Variants in OSBPL1A observed in about 807,000 individuals in gnomAD.
OSBPL1A encodes oxysterol binding protein like 1A.
Under a neutral mutation model 137.1 loss-of-function variants are expected in OSBPL1A, and 80 were observed. That is an observed-to-expected ratio of 0.58 (90% confidence interval 0.49 to 0.70). The LOEUF is 0.70. Among genes scored for constraint, OSBPL1A ranks in the 30% least tolerant of loss-of-function variants. The probability of loss-of-function intolerance (pLI) is 0.00; values close to 1 mark genes in which losing one functional copy is unlikely to be tolerated. For synonymous variants in OSBPL1A, 365 were observed against 389.7 expected, an observed-to-expected ratio of 0.94 and a Z score of 0.75; for missense variants, 970 against 1,129.4, an observed-to-expected ratio of 0.86 and a Z score of 2.02.
rs769960159 is a variant in OSBPL1A at position 24,319,285 on chromosome 18, T to TTC, written c.626-478_626-477dup. Among the ~76,000 whole-genome samples, 178 of 152,052 alleles carry TTC rather than the reference T, an allele frequency of 1.2e-3. 1 individual carries two copies. Among genetic ancestry groups the TTC allele is most frequent in the Non-Finnish European group, 1.8e-3 (121 of 67,936 alleles). Reference sequence around the variant, plus strand: ...TCCAACCTCTGCTTCCAGCATTCTGTTCTCTCTCTCTCTATAGCCCTCCCT... The same window carrying TTC: ...TCCAACCTCTGCTTCCAGCATTCTGTTCTCTCTCTCTCTCTATAGCCCTCCCT... On this transcript the variant is annotated intron_variant, in intron 7 of 27. Transcript: ENST00000319481.
At chr18:24,239,430 A>T in intron 15 of OSBPL1A, 48 bp from the exon 16 acceptor site, 1 of 1,523,056 alleles carries the variant, frequency 6.6e-7, no homozygotes, top group South Asian at 1.1e-5. Flanking sequence ...GACAGGAGAC[A>T]CAGACGTACT....
intron 14 of OSBPL1A, among the ~76,000 whole-genome samples, chr18:24,302,237 A>AG (rs113407374): frequency 0.32 from 20,908 of 66,234 alleles, 1,561 homozygotes; most frequent in African/African-American, 0.45. Context: ...CCATCTCAAG[A>AG]AAAAAAAAAA....
At chr18:24,295,696 T>C (rs941009359) in intron 14 of OSBPL1A, among the ~76,000 whole-genome samples, 1 of 152,216 alleles carries the variant, frequency 6.6e-6, no homozygotes, top group Non-Finnish European at 1.5e-5. Context: ...ATAAACTGAA[T>C]AGGCTGTCCT....
intron 19 of OSBPL1A, 152 bp from the exon 20 acceptor site, chr18:24,179,987 A>G (rs2086557847): frequency 1.6e-6 from 1 of 636,032 alleles, no homozygotes; most frequent in South Asian, 1.9e-5. Flanking sequence ...GCAGTGGGAC[A>G]TGGAAACTTG....
At chr18:24,315,655 A>C (rs1400296836) in intron 11 of OSBPL1A, among the ~76,000 whole-genome samples, 6 of 127,822 alleles carry the variant, frequency 4.7e-5, no homozygotes, top group Non-Finnish European at 9.2e-5. Flanking sequence ...AAAATATAAA[A>C]TTATAATATA....
chr18:24,365,016 A>AAAC (rs1189728230), intron 4 of OSBPL1A: 7 of 144,604 alleles, frequency 4.8e-5, no homozygotes, highest in East Asian at 2.0e-4. Context: ...CTGTCTCAAA[A>AAAC]AACAACAACA....
At chr18:24,211,878 C>T (rs2087555540) in intron 17 of OSBPL1A, among the ~76,000 whole-genome samples, 1 of 148,930 alleles carries the variant, frequency 6.7e-6, no homozygotes, top group Admixed American at 6.8e-5. Context: ...CATTGCACTC[C>T]AGCCTGGGCA....
chr18:24,340,580 A>C (rs1007651378), intron 5 of OSBPL1A, among the ~76,000 whole-genome samples: 1 of 152,092 alleles, frequency 6.6e-6, no homozygotes, highest in African/African-American at 2.4e-5. Flanking sequence ...CAAGGTGGGA[A>C]GATCACCTGA....
chr18:24,301,964 C>T (rs1223313577), intron 14 of OSBPL1A, among the ~76,000 whole-genome samples: 1 of 152,178 alleles, frequency 6.6e-6, no homozygotes, highest in Non-Finnish European at 1.5e-5. Context: ...CGTGGTGGCT[C>T]ACGCCTGTAA....
intron 18 of OSBPL1A, among the ~76,000 whole-genome samples, chr18:24,193,672 T>G (rs1000884949): frequency 3.3e-5 from 5 of 152,126 alleles, no homozygotes; most frequent in Admixed American, 1.3e-4. Flanking sequence ...CAATCCACAT[T>G]AATAAAAATG....
chr18:24,321,041 A>AAAGAAAAAGT (rs1555650639), intron 7 of OSBPL1A, among the ~76,000 whole-genome samples: 1 of 70,416 alleles, frequency 1.4e-5, no homozygotes, highest in Non-Finnish European at 4.4e-5. Flanking sequence ...AAAAAAAAAA[A>AAAGAAAAAGT]AAAAGAAAAG....
At chr18:24,291,636 C>A (rs1400413751) in intron 14 of OSBPL1A, among the ~76,000 whole-genome samples, 1 of 151,870 alleles carries the variant, frequency 6.6e-6, no homozygotes, top group East Asian at 1.9e-4. Flanking sequence ...TAAATGAGTC[C>A]TTGAATTAAA....
intron 4 of OSBPL1A, among the ~76,000 whole-genome samples, chr18:24,354,748 C>CAAAAAAAAAAAAAAAAAAAAAA (rs59694707): frequency 6.5e-5 from 5 of 77,076 alleles, no homozygotes; most frequent in Admixed American, 1.7e-4. Flanking sequence ...CTCAATATAG[C>CAAAAAAAAAAAAAAAAAAAAAA]AAAAAAAAAA....
intron 14 of OSBPL1A, among the ~76,000 whole-genome samples, chr18:24,289,217 T>C (rs908406559): frequency 3.0e-4 from 45 of 152,250 alleles, no homozygotes; most frequent in African/African-American, 1.1e-3. Flanking sequence ...AACTTCTGAG[T>C]AGAAGACAAT....
chr18:24,342,127 T>C (rs2091283236), intron 4 of OSBPL1A, among the ~76,000 whole-genome samples: 1 of 152,248 alleles, frequency 6.6e-6, no homozygotes. Context: ...CATTATTGAC[T>C]GATGGGATAC....
chr18:24,177,951 G>A lies in OSBPL1A; in HGVS notation c.2093+62C>T, dbSNP rs115754181. ...TTGAACAGTAAGGTCAGCTGAGTGT[G>A]CATGTCTACACTTACAGGCAGGTCT... On this transcript the variant is annotated intron_variant, in intron 21 of 27. Coordinates refer to ENST00000319481, the MANE Select transcript of OSBPL1A (RefSeq NM_080597.4). 1.6e-4 allele frequency: 236 copies of A among 1,469,942 alleles called. No homozygotes were observed. The African/African-American group carries it at 2.9e-3, about 18-fold the overall frequency. 91.1% of individuals were successfully genotyped at this position (1,469,942 alleles called of 1,614,324 possible). A position where few individuals can be genotyped will look rare whatever the true frequency, so the allele number is the denominator to read the frequency against.
chr18:24,327,904 T>G (rs2091008656), intron 7 of OSBPL1A, among the ~76,000 whole-genome samples: 1 of 152,078 alleles, frequency 6.6e-6, no homozygotes, highest in African/African-American at 2.4e-5. Context: ...GGTATTTGTA[T>G]GGAACTATAT....
In OSBPL1A at chr18:24,170,404, T is replaced by C. The variant is rs1214869448; in HGVS notation, c.2341A>G (p.Ser781Gly). 5 of 1,614,038 alleles carry C rather than the reference T, an allele frequency of 3.1e-6. No individual in the cohort carries two copies. The African/African-American group carries it at 4.0e-5, about 13-fold the overall frequency. The stretch of plus-strand genomic sequence containing the variant: ...GCGTCAAACGTGGCAGGGTCAACAC[T>C]GTATAAACATTCAGTCCACTTCCCA... Reference protein sequence around the residue: ...LYGKWTECLYSVDPATFDAYK... With the variant: ...LYGKWTECLYGVDPATFDAYK... The change falls in exon 24 of 28, where the codon AGT (serine) becomes GGT (glycine). Residue 781 changes from serine (S) to glycine (G), a missense_variant. Coordinates refer to ENST00000319481, the MANE Select transcript of OSBPL1A (RefSeq NM_080597.4).
At chr18:24,235,910 G>A (rs569663229) in intron 16 of OSBPL1A, among the ~76,000 whole-genome samples, 4 of 152,284 alleles carry the variant, frequency 2.6e-5, no homozygotes, top group East Asian at 3.9e-4. Context: ...TAGGTCCAAC[G>A]TAATGCCATA....
Sources: allele counts gnomAD v4.1 joint callset (sites outside exome capture counted in the v4.1 genomes callset), GRCh38; gene constraint gnomAD v4.1.1; transcripts MANE v1.5; gene names NCBI Gene and HGNC (gene_info 2026-07-23, HGNC 2026-07-21).